CLMP: variants seen among roughly 807,000 people sequenced by gnomAD.
The protein encoded by CLMP is CXADR-like membrane protein.
Under a neutral mutation model 45.2 loss-of-function variants are expected in CLMP, and 27 were observed. That is an observed-to-expected ratio of 0.60 (90% CI 0.44 to 0.82). The LOEUF is 0.82. Ranked by LOEUF, CLMP falls within the 40% of genes least tolerant of loss-of-function variation. The pLI is 0.00. For synonymous variants in CLMP, 167 were observed against 171.4 expected (o/e 0.97, Z 0.20); for missense variants, 403 against 448.4 (o/e 0.90, Z 0.91).
At chr11:123,089,731 C>G (rs1227282124) in intron 2 of CLMP, among the ~76,000 whole-genome samples, 3 of 143,820 alleles carry the variant, frequency 2.1e-5, no homozygotes, top group Non-Finnish European at 4.5e-5. Context: ...GAGCCAAGAT[C>G]GCACCACTGC....
rs552503707 is a variant in CLMP at position 123,184,633 on chromosome 11, A to G, written c.28+10280T>C. On this transcript the variant is annotated intron_variant, in intron 1 of 6. Coordinates refer to ENST00000448775, the MANE Select transcript of CLMP (RefSeq NM_024769.5). ...CGACTCTTGCCATTCTCTGCAGAGGACCTAAAAGGGCCAGAGAAGGAGTCA... is the reference window on the plus strand; with the variant it reads ...CGACTCTTGCCATTCTCTGCAGAGGGCCTAAAAGGGCCAGAGAAGGAGTCA... Among the ~76,000 whole-genome samples the G allele has an allele frequency of 7.9e-5, 12 of 152,310 alleles. 1 individual carries two copies. Among genetic ancestry groups the G allele is most frequent in the African/African-American group, 2.4e-4 (10 of 41,572 alleles).
At chr11:123,113,409 T>C (rs567036048) in intron 1 of CLMP, among the ~76,000 whole-genome samples, 2 of 152,294 alleles carry the variant, frequency 1.3e-5, no homozygotes, top group East Asian at 3.9e-4. Context: ...TCAAACTGTT[T>C]TAGGAATTTA....
At chr11:123,131,606 T>C (rs1450367856) in intron 1 of CLMP, among the ~76,000 whole-genome samples, 4 of 147,662 alleles carry the variant, frequency 2.7e-5, no homozygotes, top group African/African-American at 1.0e-4. Context: ...TCTTTCTTTC[T>C]TTTTTCTTTT....
chr11:123,129,573 A>G (rs1450275994), intron 1 of CLMP, among the ~76,000 whole-genome samples: 1 of 139,376 alleles, frequency 7.2e-6, no homozygotes, highest in Non-Finnish European at 1.5e-5. Context: ...ATATAATTAT[A>G]TAATATATAT....
At chr11:123,124,742 A>G (rs900812748) in intron 1 of CLMP, among the ~76,000 whole-genome samples, 1 of 152,234 alleles carries the variant, frequency 6.6e-6, no homozygotes, top group African/African-American at 2.4e-5. Context: ...AAATGCGTAC[A>G]TATCCCTGAG....
intron 1 of CLMP, among the ~76,000 whole-genome samples, chr11:123,125,480 C>CCTCCCTTCTT (rs1565390001): frequency 9.3e-6 from 1 of 107,796 alleles, no homozygotes. Flanking sequence ...CCTCCCTCCT[C>CCTCCCTTCTT]CCTCCCTCCT....
intron 1 of CLMP, among the ~76,000 whole-genome samples, chr11:123,167,040 C>T (rs935745650): frequency 2.0e-5 from 3 of 152,172 alleles, no homozygotes; most frequent in African/African-American, 7.2e-5. Context: ...ACATGCCAGG[C>T]ATGGCACTAG....
Position 123,083,835 on chromosome 11 carries a change from T to C in CLMP, c.401A>G (p.Lys134Arg). 6.2e-7 allele frequency: 1 copy of C among 1,613,140 alleles called. No individual in the cohort carries two copies. Among genetic ancestry groups the C allele is most frequent in the Non-Finnish European group, 8.5e-7 (1 of 1,179,992 alleles). Residue 134 changes from lysine to arginine, a missense_variant, in exon 4 of 7, where the codon AAG (lysine) becomes AGG (arginine). Coordinates refer to ENST00000448775, the MANE Select transcript of CLMP (RefSeq NM_024769.5). The part of the protein sequence containing the change: ...VILKVLVRPS[K>R]PKCELEGELT... Reference sequence around the variant, plus strand: ...CTCTCCTTCCAACTCACACTTGGGCTTGGATGGTCTCACTGGCAACAGCAA... The same window carrying C: ...CTCTCCTTCCAACTCACACTTGGGCCTGGATGGTCTCACTGGCAACAGCAA...
intron 1 of CLMP, among the ~76,000 whole-genome samples, chr11:123,102,255 T>C (rs1860454510): frequency 6.6e-6 from 1 of 150,490 alleles, no homozygotes; most frequent in South Asian, 2.1e-4. Flanking sequence ...AACCTAAGAT[T>C]GGCCCTTTGA....
chr11:123,179,090 T>C (rs11219050), intron 1 of CLMP, among the ~76,000 whole-genome samples: 72,973 of 152,072 alleles, frequency 0.48, 18,673 homozygotes, highest in East Asian at 0.61. Context: ...CCCAGCCTGA[T>C]AAATGTTTTT....
At position 123,143,270 on chromosome 11, in the gene CLMP, C is replaced by G. The variant is rs143342293; in HGVS notation, c.29-45318G>C. Among the ~76,000 whole-genome samples, 13 of 152,354 alleles carry G rather than the reference C, an allele frequency of 8.5e-5. No homozygotes were observed. The East Asian group carries it at 1.7e-3, about 20-fold the overall frequency. Reference sequence around the variant, plus strand: ...ACCTTAGTGATGAATTTTTCTCCTACAAGCTGAGTGACTGTTGCCAATCAT... The same window carrying G: ...ACCTTAGTGATGAATTTTTCTCCTAGAAGCTGAGTGACTGTTGCCAATCAT... On this transcript the variant is annotated intron_variant, in intron 1 of 6. Coordinates refer to ENST00000448775, the MANE Select transcript of CLMP (RefSeq NM_024769.5).
intron 1 of CLMP, among the ~76,000 whole-genome samples, chr11:123,106,424 TGCGC>T (rs71057332): frequency 0.098 from 8,871 of 90,550 alleles, 295 homozygotes; most frequent in Admixed American, 0.14. Context: ...TGTGTGTGTG[TGCGC>T]GCGCGCGCGC....
At position 123,082,842 on chromosome 11, in the gene CLMP, A is replaced by G. The variant is rs1166445281; in HGVS notation, c.679+243T>C. On this transcript the variant is annotated intron_variant, in intron 5 of 6. Transcript: ENST00000448775. ...GGCTGGTCTCAAACTCCTGACCTCA[A>G]CTGATCTGCCCACCTGGCCCTCCCA... 2.0e-5 allele frequency among the ~76,000 whole-genome samples: 3 copies of G among 151,232 alleles called. No individual in the cohort carries two copies. In the East Asian group the frequency reaches 5.9e-4, roughly 30 times the overall value.
chr11:123,117,400 C>T (rs2135496083), intron 1 of CLMP, among the ~76,000 whole-genome samples: 1 of 151,784 alleles, frequency 6.6e-6, no homozygotes, highest in African/African-American at 2.4e-5. Flanking sequence ...GACCTTTTAT[C>T]TTTTTTAAAA....
intron 1 of CLMP, among the ~76,000 whole-genome samples, chr11:123,167,431 GC>G (rs1455163503): frequency 6.6e-6 from 1 of 151,972 alleles, no homozygotes; most frequent in African/African-American, 2.4e-5. Context: ...GACTACAGGC[GC>G]CCACCACCAC....
At position 123,086,294 on chromosome 11, in the gene CLMP, A is replaced by C. The variant is rs988568790; in HGVS notation, c.187-1581T>G. Among the ~76,000 whole-genome samples the C allele has an allele frequency of 3.9e-5, 6 of 152,222 alleles. No individual in the cohort carries two copies. The South Asian group carries it at 1.2e-3, about 32-fold the overall frequency. On this transcript the variant is annotated intron_variant, in intron 2 of 6. Coordinates refer to ENST00000448775, the MANE Select transcript of CLMP (RefSeq NM_024769.5). ...TTAAACAGAGAAAAAGAAATGATTT[A>C]TTTGAAATAGTATCAAGGAGAGTGT... is the stretch of plus-strand genomic sequence containing the variant.
chr11:123,106,430 C>CGT (rs1565384017), intron 1 of CLMP, among the ~76,000 whole-genome samples: 1 of 95,262 alleles, frequency 1.0e-5, no homozygotes, highest in African/African-American at 4.5e-5. Flanking sequence ...TGTGTGCGCG[C>CGT]GCGCGCGCGC....
chr11:123,150,999 G>A (rs1861330587), intron 1 of CLMP, among the ~76,000 whole-genome samples: 1 of 152,182 alleles, frequency 6.6e-6, no homozygotes, highest in African/African-American at 2.4e-5. Context: ...CACTGTGCCT[G>A]GCCTGGGTCT....
chr11:123,083,253 T>C (rs1565377518), intron 4 of CLMP, 46 bp from the exon 5 acceptor site: 1 of 1,576,736 alleles, frequency 6.3e-7, no homozygotes, highest in Admixed American at 1.8e-5. Flanking sequence ...AGTGATGGTA[T>C]CTATATTTAT....
Sources: gnomAD v4.1 joint callset for allele counts (sites outside exome capture counted in the v4.1 genomes callset) on GRCh38, gnomAD v4.1.1 for gene constraint, MANE v1.5 for transcripts, NCBI Gene and HGNC (gene_info 2026-07-23, HGNC 2026-07-21) for gene names.